Variants in ASPHD2 observed in about 807,000 individuals in gnomAD.
The protein encoded by ASPHD2 is aspartate beta-hydroxylase domain-containing protein 2.
ASPHD2 carries 12 observed loss-of-function variants against 34.6 expected under a neutral mutation model. The ratio of observed to expected loss-of-function variants is 0.35; its 90% CI spans 0.22 to 0.56. The LOEUF (loss-of-function observed/expected upper bound fraction) is 0.56, where lower values mean the gene tolerates loss of function less well. ASPHD2 is among the 20% of genes least tolerant of loss of function. ASPHD2 has a pLI of 0.87. For missense variants in ASPHD2, 375 were observed against 505.0 expected, an observed-to-expected ratio of 0.74 and a Z score of 2.47; for synonymous variants, 224 against 212.2, an observed-to-expected ratio of 1.06 and a Z score of -0.48.
chr22:26,438,566 C>CAT (rs1405100645), intron 2 of ASPHD2, among the ~76,000 whole-genome samples: 984 of 83,306 alleles, frequency 0.012, 37 homozygotes, highest in African/African-American at 0.047. Flanking sequence ...TACATATATA[C>CAT]ACATACATAT....
chr22:26,433,386 TCCCAGGTTTGG>T lies in ASPHD2; in HGVS notation c.-224-5_-219del. 1 of 541,620 alleles carries T rather than the reference TCCCAGGTTTGG, an allele frequency of 1.8e-6. No homozygotes were observed. The highest frequency in any genetic ancestry group is 3.2e-6 in the Non-Finnish European group (1 of 308,548). 33.6% of individuals were successfully genotyped at this position (541,620 alleles called of 1,614,324 possible). On this transcript the variant is annotated splice_acceptor_variant and splice_polypyrimidine_tract_variant and 5_prime_UTR_variant and intron_variant, in exon 2 of 4. Coordinates refer to ENST00000215906, the MANE Select transcript of ASPHD2 (RefSeq NM_020437.5). LOFTEE classifies it low-confidence loss of function (5UTR_SPLICE). The surrounding 1 kb of genome is among the most constrained non-coding windows in gnomAD (Gnocchi z 5.1). Reference sequence around the variant, plus strand: ...AATTTATGCTGATTTTTTTTTTCCATCCCAGGTTTGGTTTTCCTAAACAAATCCTTTCACAG... The same window carrying T: ...AATTTATGCTGATTTTTTTTTTCCATTTTTCCTAAACAAATCCTTTCACAG...
In ASPHD2 at chr22:26,434,028, C is replaced by T; in HGVS notation, c.413C>T (p.Ser138Phe). Residue 138 changes from serine (S) to phenylalanine (F), a missense_variant, in exon 2 of 4, where the codon TCC becomes TTC. This residue lies in a region of ASPHD2 where 223 missense variants were observed against 257.8 expected (regional missense o/e 0.87). Coordinates refer to ENST00000215906, the MANE Select transcript of ASPHD2 (RefSeq NM_020437.5). ...CTGCAGGAGTACGCCAAGCGCTACT[C>T]CTGGTCCGGCATGGGCCGCATCCAC... ...HNLQEYAKRY[S>F]WSGMGRIHKG... 1.2e-6 allele frequency: 2 copies of T among 1,613,520 alleles called. No individual in the cohort carries two copies.
At position 26,434,017 on chromosome 22, in the gene ASPHD2, C is replaced by G; in HGVS notation, c.402C>G (p.Ala134=). The change falls in exon 2 of 4, where the codon GCC becomes GCG. Residue 134 remains alanine, a synonymous_variant. Transcript: ENST00000215906. Reference sequence around the variant, plus strand: ...TGTACCACAACCTGCAGGAGTACGCCAAGCGCTACTCCTGGTCCGGCATGG... The same window carrying G: ...TGTACCACAACCTGCAGGAGTACGCGAAGCGCTACTCCTGGTCCGGCATGG... ...QKLYHNLQEY[A]KRYSWSGMGR... The G allele has an allele frequency of 3.7e-6, 6 of 1,613,504 alleles. No homozygotes were observed. The highest frequency in any genetic ancestry group is 5.1e-6 in the Non-Finnish European group (6 of 1,179,972).
chr22:26,438,652 C>CATATAT (rs143431842), intron 2 of ASPHD2, among the ~76,000 whole-genome samples: 2,799 of 120,990 alleles, frequency 0.023, 97 homozygotes, highest in African/African-American at 0.039. Flanking sequence ...TATACACATA[C>CATATAT]ATATATATAT....
Position 26,433,908 on chromosome 22 carries a change from C to T in ASPHD2, c.293C>T (p.Ala98Val). ...SVNSLMQAAD[A>V]NGLQNGYVYC... ...AACTCCCTCATGCAGGCTGCCGATG[C>T]CAACGGGCTGCAGAATGGCTACGTG... is the stretch of plus-strand genomic sequence containing the variant. Residue 98 changes from alanine (A) to valine (V), a missense_variant, in exon 2 of 4, where the codon GCC (alanine) becomes GTC (valine). Ala to Val is a moderately conservative substitution (Grantham distance 64, BLOSUM62 0). Coordinates refer to ENST00000215906, the MANE Select transcript of ASPHD2 (RefSeq NM_020437.5). The surrounding 1 kb of genome is among the most constrained non-coding windows in gnomAD (Gnocchi z 5.1). The T allele has an allele frequency of 4.3e-6, 7 of 1,613,662 alleles. No homozygotes were observed. Among genetic ancestry groups the T allele is most frequent in the Non-Finnish European group, 5.9e-6 (7 of 1,180,042 alleles).
chr22:26,442,515 G>A lies in ASPHD2; in HGVS notation c.943G>A (p.Ala315Thr), dbSNP rs1204251481. ...LVVGGEPQCW[A>T]EGRCLLFDDS... is the part of the protein sequence containing the mutation. ...GGTGGGGGGAGAGCCCCAGTGCTGG[G>A]CAGAAGGGCGCTGCCTTCTCTTTGA... The change falls in exon 3 of 4, where the codon GCA (alanine) becomes ACA (threonine). Residue 315 changes from alanine (A) to threonine (T), a missense_variant. This residue lies in a region of ASPHD2 where 142 missense variants were observed against 217.9 expected (regional missense o/e 0.65). Coordinates refer to ENST00000215906, the MANE Select transcript of ASPHD2 (RefSeq NM_020437.5). 3 of 1,611,524 alleles carry A rather than the reference G, an allele frequency of 1.9e-6. No homozygotes were observed. Among genetic ancestry groups the A allele is most frequent in the Admixed American group, 1.7e-5 (1 of 59,628 alleles).
intron 2 of ASPHD2, among the ~76,000 whole-genome samples, chr22:26,438,496 C>CACATATATATATAT (rs2084808712): frequency 1.1e-5 from 1 of 88,382 alleles, no homozygotes; most frequent in Non-Finnish European, 2.3e-5. Flanking sequence ...TATAGATACA[C>CACATATATATATAT]ACATACATAT....
chr22:26,440,630 C>T (rs942332616), intron 2 of ASPHD2, among the ~76,000 whole-genome samples: 2 of 152,168 alleles, frequency 1.3e-5, no homozygotes, highest in Non-Finnish European at 2.9e-5. Flanking sequence ...GCCACTGTGC[C>T]CAGCCAAGCA....
intron 2 of ASPHD2, among the ~76,000 whole-genome samples, chr22:26,440,796 CTG>C (rs34008374): frequency 0.047 from 7,134 of 152,304 alleles, 190 homozygotes; most frequent in Non-Finnish European, 0.052. Context: ...GAGGAGAACA[CTG>C]TGTGAGCCTT....
At chr22:26,436,864 G>GTA (rs1356088895) in intron 2 of ASPHD2, among the ~76,000 whole-genome samples, 1 of 151,996 alleles carries the variant, frequency 6.6e-6, no homozygotes, top group Non-Finnish European at 1.5e-5. Flanking sequence ...GTGTGTGTGT[G>GTA]TGTAAAACAT....
In ASPHD2 at chr22:26,433,333, T is replaced by G; in HGVS notation, c.-224-59T>G. ...CTACAGAACGATCTAACACTTTACATTTCAGTTGAGGACTTTTCCAGGTGT... is the reference window on the plus strand; with the variant it reads ...CTACAGAACGATCTAACACTTTACAGTTCAGTTGAGGACTTTTCCAGGTGT... On this transcript the variant is annotated intron_variant, in intron 1 of 3. Transcript: ENST00000215906. The surrounding 1 kb of genome is among the most constrained non-coding windows in gnomAD (Gnocchi z 5.1). 1 of 486,980 alleles carries G rather than the reference T, an allele frequency of 2.1e-6. No individual in the cohort carries two copies. 30.2% of individuals were successfully genotyped at this position (486,980 alleles called of 1,614,324 possible).
rs2084886488 is a variant in ASPHD2 at position 26,444,186 on chromosome 22, T to G, written c.*980T>G. 1 of 151,912 alleles carries G rather than the reference T, an allele frequency of 6.6e-6. No individual in the cohort carries two copies. Among genetic ancestry groups the G allele is most frequent in the African/African-American group, 2.4e-5 (1 of 41,390 alleles). The allele number at this position is 151,912 out of a possible 1,614,324, so 9.4% of individuals were successfully genotyped here. On this transcript the variant is annotated 3_prime_UTR_variant, in exon 4 of 4. Transcript: ENST00000215906. Reference sequence around the variant, plus strand: ...TCTGGCAAAACTGGAATAATAGATCTGACCAAAGTTTCTGTTTTGCTTTGG... The same window carrying G: ...TCTGGCAAAACTGGAATAATAGATCGGACCAAAGTTTCTGTTTTGCTTTGG...
rs1466925934 is a variant in ASPHD2 at position 26,443,946 on chromosome 22, G to A, written c.*740G>A. 6.6e-6 allele frequency: 1 copy of A among 152,242 alleles called. No individual in the cohort carries two copies. The highest frequency in any genetic ancestry group is 1.9e-4 in the East Asian group (1 of 5,196). 9.4% of individuals were successfully genotyped at this position (152,242 alleles called of 1,614,324 possible). ...GCAAAGCTGAAGCTGGTGTCCCCCA[G>A]CACCAAGCTGCGGCTCACACAGATC... On this transcript the variant is annotated 3_prime_UTR_variant, in exon 4 of 4. Transcript: ENST00000215906.
intron 2 of ASPHD2, among the ~76,000 whole-genome samples, chr22:26,439,831 G>A (rs1430820169): frequency 1.3e-5 from 2 of 152,154 alleles, no homozygotes; most frequent in Admixed American, 6.5e-5. Flanking sequence ...CAAGTCCTCC[G>A]TCCTTCTGTC....
Position 26,433,312 on chromosome 22 carries a change from A to G in ASPHD2, c.-224-80A>G, listed in dbSNP as rs1388961986. Reference sequence around the variant, plus strand: ...TGACCCCCACCAACTAGGATCCTACAGAACGATCTAACACTTTACATTTCA... The same window carrying G: ...TGACCCCCACCAACTAGGATCCTACGGAACGATCTAACACTTTACATTTCA... On this transcript the variant is annotated intron_variant, in intron 1 of 3. Coordinates refer to ENST00000215906, the MANE Select transcript of ASPHD2 (RefSeq NM_020437.5). This position sits in a 1 kb window ranked among gnomAD's most constrained non-coding sequence, Gnocchi z 5.1. 1 of 420,262 alleles carries G rather than the reference A, an allele frequency of 2.4e-6. No homozygotes were observed. The highest frequency in any genetic ancestry group is 2.0e-5 in the African/African-American group (1 of 48,882). 26.0% of individuals were successfully genotyped at this position (420,262 alleles called of 1,614,324 possible). A position where few individuals can be genotyped will look rare whatever the true frequency, so the allele number is the denominator to read the frequency against.
Position 26,444,495 on chromosome 22 carries a change from T to G in ASPHD2, c.*1289T>G, listed in dbSNP as rs1284197271. 6.6e-6 allele frequency: 1 copy of G among 152,260 alleles called. No homozygotes were observed. Among genetic ancestry groups the G allele is most frequent in the East Asian group, 1.9e-4 (1 of 5,202 alleles). 9.4% of individuals were successfully genotyped at this position (152,260 alleles called of 1,614,324 possible). A position where few individuals can be genotyped will look rare whatever the true frequency, so the allele number is the denominator to read the frequency against. On this transcript the variant is annotated 3_prime_UTR_variant, in exon 4 of 4. Coordinates refer to ENST00000215906, the MANE Select transcript of ASPHD2 (RefSeq NM_020437.5). ...GTCCCAGGAGACCAGTTTGAGGCAC[T>G]CACTCTAGAAATAGCCTGTGTTAGC... is the stretch of plus-strand genomic sequence containing the variant.
intron 2 of ASPHD2, among the ~76,000 whole-genome samples, chr22:26,436,693 A>G (rs1453404879): frequency 6.6e-6 from 1 of 152,112 alleles, no homozygotes; most frequent in Non-Finnish European, 1.5e-5. Flanking sequence ...TTGTTTTAAA[A>G]CTTCAGAATG....
chr22:26,433,465 C>A lies in ASPHD2; in HGVS notation c.-151C>A. On this transcript the variant is annotated 5_prime_UTR_variant, in exon 2 of 4. Coordinates refer to ENST00000215906, the MANE Select transcript of ASPHD2 (RefSeq NM_020437.5). This position sits in a 1 kb window ranked among gnomAD's most constrained non-coding sequence, Gnocchi z 5.1. ...TAATGTGACAAAAACCAGCCTCTTC[C>A]ACCCCACTGCAGTGACTTTTGCCGG... 1.6e-6 allele frequency: 1 copy of A among 613,596 alleles called. No homozygotes were observed. The highest frequency in any genetic ancestry group is 2.8e-6 in the Non-Finnish European group (1 of 354,312). 38.0% of individuals were successfully genotyped at this position (613,596 alleles called of 1,614,324 possible).
In ASPHD2 at chr22:26,433,436, T is replaced by TTGATAATG; in HGVS notation, c.-176_-169dup. On this transcript the variant is annotated 5_prime_UTR_variant, in exon 2 of 4. It adds an upstream start codon to the 5' untranslated region. Transcript: ENST00000215906. The surrounding 1 kb of genome is among the most constrained non-coding windows in gnomAD (Gnocchi z 5.1). Reference sequence around the variant, plus strand: ...ATCCTTTCACAGGGACCGACGGCACTTGATAATGTGACAAAAACCAGCCTC... The same window carrying TTGATAATG: ...ATCCTTTCACAGGGACCGACGGCACTTGATAATGTGATAATGTGACAAAAACCAGCCTC... 1 of 582,426 alleles carries TTGATAATG rather than the reference T, an allele frequency of 1.7e-6. No individual in the cohort carries two copies. 36.1% of individuals were successfully genotyped at this position (582,426 alleles called of 1,614,324 possible).
Sources: allele counts gnomAD v4.1 joint callset (sites outside exome capture counted in the v4.1 genomes callset), GRCh38; gene constraint gnomAD v4.1.1; regional missense constraint gnomAD v4.1.1; non-coding constraint Gnocchi (gnomAD v3.1); transcripts MANE v1.5; gene names NCBI Gene and HGNC (gene_info 2026-07-23, HGNC 2026-07-21).